SGCZ: variants seen among roughly 807,000 people sequenced by gnomAD.
SGCZ encodes the protein sarcoglycan zeta, also known as zeta-sarcoglycan.
In SGCZ, 40 loss-of-function variants were observed where a neutral mutation model predicts 41.3. The observed-to-expected ratio is 0.97, with a 90% CI of 0.75 to 1.26. The LOEUF (loss-of-function observed/expected upper bound fraction) is 1.26. Among genes scored for constraint, SGCZ ranks in the 50% most tolerant of loss-of-function variants. The pLI is 0.00. For missense variants in SGCZ, 552 were observed against 369.8 expected (o/e 1.49, Z -4.04); for synonymous variants, 206 against 137.5 (o/e 1.50, Z -3.49).
chr8:14,347,983 G>A (rs1290049439), intron 2 of SGCZ, among the ~76,000 whole-genome samples: 1 of 152,006 alleles, frequency 6.6e-6, no homozygotes, highest in Admixed American at 6.6e-5. Context: ...TTTCCCACCA[G>A]ACATTCCCTT....
intron 1 of SGCZ, among the ~76,000 whole-genome samples, chr8:15,216,673 TA>T (rs1585683442): frequency 6.6e-6 from 1 of 152,202 alleles, no homozygotes; most frequent in East Asian, 1.9e-4. Context: ...AGCATCTTGT[TA>T]CTTTATATTC....
intron 3 of SGCZ, among the ~76,000 whole-genome samples, chr8:14,311,840 T>C (rs1046698423): frequency 6.6e-6 from 1 of 152,180 alleles, no homozygotes; most frequent in Non-Finnish European, 1.5e-5. Context: ...AGTTTAAAAA[T>C]GTCACTGGGC....
At chr8:15,212,126 A>G (rs1164840901) in intron 1 of SGCZ, among the ~76,000 whole-genome samples, 2 of 152,158 alleles carry the variant, frequency 1.3e-5, no homozygotes, top group Non-Finnish European at 2.9e-5. Flanking sequence ...AAACGACTGC[A>G]TGGATGCCTA....
intron 2 of SGCZ, among the ~76,000 whole-genome samples, chr8:14,400,381 A>G (rs1023025416): frequency 1.3e-5 from 2 of 152,152 alleles, no homozygotes; most frequent in African/African-American, 4.8e-5. Context: ...TAGAACATTT[A>G]CCACTTTGTA....
chr8:15,229,285 T>C (rs1801874633), intron 1 of SGCZ, among the ~76,000 whole-genome samples: 1 of 152,166 alleles, frequency 6.6e-6, no homozygotes, highest in Admixed American at 6.5e-5. Context: ...ATTAAGAGTA[T>C]CTAAAAAGGA....
At chr8:14,647,586 G>T (rs996750394) in intron 1 of SGCZ, among the ~76,000 whole-genome samples, 1 of 151,844 alleles carries the variant, frequency 6.6e-6, no homozygotes, top group Non-Finnish European at 1.5e-5. Flanking sequence ...CATGGTTGTG[G>T]CATAAAGATT....
rs1803839686 is a variant in SGCZ at position 14,369,600 on chromosome 8, T to C, written c.235-45396A>G. 3.9e-5 allele frequency among the ~76,000 whole-genome samples: 6 copies of C among 152,166 alleles called. No homozygotes were observed. In the South Asian group the frequency reaches 1.2e-3, roughly 32 times the overall value. On this transcript the variant is annotated intron_variant, in intron 2 of 7. Transcript: ENST00000382080. ...ATAAGTATTTTATGGAAAAGTCGTT[T>C]GGGAATATGAAAATACCCTGTTTCT...
chr8:14,433,646 AAAAT>A (rs1428439618), intron 2 of SGCZ, among the ~76,000 whole-genome samples: 1 of 152,204 alleles, frequency 6.6e-6, no homozygotes, highest in Non-Finnish European at 1.5e-5. Flanking sequence ...TTTAGAAAAA[AAAAT>A]AAAAAAGGTG....
chr8:14,438,405 C>T (rs1050874375), intron 2 of SGCZ, among the ~76,000 whole-genome samples: 1 of 151,892 alleles, frequency 6.6e-6, no homozygotes, highest in African/African-American at 2.4e-5. Context: ...TTTGTTTTCA[C>T]ACCCAAATTA....
At chr8:14,709,201 CAGAGATT>C (rs1809435620) in intron 1 of SGCZ, among the ~76,000 whole-genome samples, 3 of 152,130 alleles carry the variant, frequency 2.0e-5, no homozygotes, top group Non-Finnish European at 4.4e-5. Flanking sequence ...CAATCAGCAG[CAGAGATT>C]ATCTGTTCAC....
At chr8:14,254,711 T>A (rs978648971) in intron 3 of SGCZ, among the ~76,000 whole-genome samples, 2 of 152,130 alleles carry the variant, frequency 1.3e-5, no homozygotes, top group South Asian at 4.1e-4. Flanking sequence ...TGAATATGCA[T>A]ACTTACCATT....
chr8:14,424,844 G>A (rs1389225208), intron 2 of SGCZ, among the ~76,000 whole-genome samples: 1 of 152,124 alleles, frequency 6.6e-6, no homozygotes, highest in Non-Finnish European at 1.5e-5. Context: ...GACAAGGACT[G>A]ATATCCTGGC....
At chr8:15,203,205 G>C (rs950369594) in intron 1 of SGCZ, among the ~76,000 whole-genome samples, 3 of 152,090 alleles carry the variant, frequency 2.0e-5, no homozygotes, top group Non-Finnish European at 4.4e-5. Context: ...CTGGAAGTTT[G>C]TATTCTTTCC....
chr8:14,697,898 T>C (rs949340323), intron 1 of SGCZ, among the ~76,000 whole-genome samples: 27 of 152,014 alleles, frequency 1.8e-4, no homozygotes, highest in African/African-American at 6.5e-4. Context: ...TTTCCCTCTA[T>C]TGTCAGCCCT....
intron 1 of SGCZ, among the ~76,000 whole-genome samples, chr8:14,799,255 C>A (rs567203260): frequency 6.6e-6 from 1 of 152,248 alleles, no homozygotes; most frequent in South Asian, 2.1e-4. Flanking sequence ...AACGAGATGA[C>A]CTTTAGTGAT....
At chr8:14,218,548 T>C (rs1806080071) in intron 4 of SGCZ, among the ~76,000 whole-genome samples, 1 of 152,204 alleles carries the variant, frequency 6.6e-6, no homozygotes, top group Non-Finnish European at 1.5e-5. Context: ...CAGTTTTGCA[T>C]TGTTTAAATT....
chr8:14,313,906 C>CTT (rs1189194607), intron 3 of SGCZ, among the ~76,000 whole-genome samples: 1 of 91,532 alleles, frequency 1.1e-5, no homozygotes, highest in Non-Finnish European at 2.4e-5. Flanking sequence ...GTTATATCAT[C>CTT]TCTCTGTGTG....
At chr8:14,938,214 A>G (rs1800147824) in intron 1 of SGCZ, among the ~76,000 whole-genome samples, 1 of 152,220 alleles carries the variant, frequency 6.6e-6, no homozygotes, top group Admixed American at 6.5e-5. Flanking sequence ...AACTGGAAAT[A>G]GCGTTAGAAT....
chr8:14,386,423 C>T (rs971974525), intron 2 of SGCZ, among the ~76,000 whole-genome samples: 12 of 152,140 alleles, frequency 7.9e-5, no homozygotes, highest in Non-Finnish European at 1.5e-4. Flanking sequence ...TTCTAGAAAG[C>T]GGATTAGAAG....
Sources: gnomAD v4.1 joint callset for allele counts (sites outside exome capture counted in the v4.1 genomes callset) on GRCh38, gnomAD v4.1.1 for gene constraint, MANE v1.5 for transcripts, NCBI Gene and HGNC (gene_info 2026-07-23, HGNC 2026-07-21) for gene names.